Variants in RPS6KC1 observed in about 807,000 individuals in gnomAD.
The protein encoded by RPS6KC1 is inactive ribosomal protein S6 kinase delta-1.
Under a neutral mutation model 103.8 loss-of-function variants are expected in RPS6KC1, and 54 were observed. The ratio of observed to expected loss-of-function variants is 0.52; its 90% confidence interval spans 0.42 to 0.65. The LOEUF is 0.65. Among genes scored for constraint, RPS6KC1 ranks in the 30% least tolerant of loss-of-function variants. The pLI, the probability that RPS6KC1 is intolerant of heterozygous loss-of-function variation, is 0.00. For synonymous variants in RPS6KC1, 439 were observed against 438.7 expected (o/e 1.00, Z -0.01); for missense variants, 1,151 against 1,253.8 (o/e 0.92, Z 1.24).
At chr1:213,600,698 C>T in the RPS6KC1 span, among the ~76,000 whole-genome samples, 1 of 152,172 alleles carries the variant, frequency 6.6e-6, no homozygotes, top group African/African-American at 2.4e-5. Flanking sequence ...TCCACTTCTC[C>T]CCACTAGCAA....
the RPS6KC1 span, among the ~76,000 whole-genome samples, chr1:213,503,698 T>A: frequency 4.6e-5 from 7 of 152,090 alleles, no homozygotes; most frequent in Non-Finnish European, 8.8e-5. Flanking sequence ...AAAACAAGAA[T>A]CTTCATGCAA....
In RPS6KC1 at chr1:213,197,849, T is replaced by A. The variant is rs560319536; in HGVS notation, c.1044+21357T>A. ...CCTTAAATTTATGTGCGTCCGTATG[T>A]GTTAGGTGAGTCTCTTGAAGACAAC... On this transcript the variant is annotated intron_variant, in intron 8 of 14. Coordinates refer to ENST00000366960, the MANE Select transcript of RPS6KC1 (RefSeq NM_012424.6). Among the ~76,000 whole-genome samples the A allele has an allele frequency of 2.9e-4, 44 of 152,280 alleles. No individual in the cohort carries two copies. In the South Asian group the frequency reaches 6.0e-3, roughly 21 times the overall value.
the RPS6KC1 span, among the ~76,000 whole-genome samples, chr1:213,588,219 G>C: frequency 6.6e-6 from 1 of 151,886 alleles, no homozygotes; most frequent in Non-Finnish European, 1.5e-5. Context: ...TGGGACTACA[G>C]GCCTCTTTTA....
At chr1:213,491,219 A>T in the RPS6KC1 span, among the ~76,000 whole-genome samples, 2 of 152,268 alleles carry the variant, frequency 1.3e-5, no homozygotes, top group East Asian at 3.9e-4. Context: ...TAAGTAAGTT[A>T]TTAGGCTGGT....
chr1:213,744,971 C>T, the RPS6KC1 span, among the ~76,000 whole-genome samples: 2 of 152,364 alleles, frequency 1.3e-5, no homozygotes, highest in East Asian at 3.9e-4. Flanking sequence ...CAAGGTGCCT[C>T]TCACCACAGG....
chr1:213,400,513 C>T, the RPS6KC1 span, among the ~76,000 whole-genome samples: 1 of 152,062 alleles, frequency 6.6e-6, no homozygotes, highest in Admixed American at 6.5e-5. Flanking sequence ...TAGTTCTCTT[C>T]CCTGCCAGAC....
chr1:213,297,983 C>A, the RPS6KC1 span, among the ~76,000 whole-genome samples: 31 of 152,178 alleles, frequency 2.0e-4, no homozygotes, highest in African/African-American at 7.5e-4. Flanking sequence ...GAAACTGCTT[C>A]TTTCTTAGGC....
chr1:213,663,903 C>G, the RPS6KC1 span, among the ~76,000 whole-genome samples: 1 of 152,200 alleles, frequency 6.6e-6, no homozygotes, highest in Non-Finnish European at 1.5e-5. Flanking sequence ...CAGGCAATCC[C>G]CAGGACCCAA....
the RPS6KC1 span, among the ~76,000 whole-genome samples, chr1:213,590,769 GGGT>G: frequency 0.11 from 16,602 of 152,064 alleles, 1,510 homozygotes; most frequent in African/African-American, 0.25. Flanking sequence ...TCCGGCAGCC[GGGT>G]GGTGGTGGCG....
intron 8 of RPS6KC1, chr1:213,205,443 T>A: frequency 1.1e-6 from 1 of 920,312 alleles, no homozygotes; most frequent in Non-Finnish European, 1.3e-6. Context: ...GAAGTAGCCC[T>A]CTTAATCAAA....
At chr1:213,736,172 A>T in the RPS6KC1 span, among the ~76,000 whole-genome samples, 1 of 152,170 alleles carries the variant, frequency 6.6e-6, no homozygotes, top group Admixed American at 6.5e-5. Context: ...CCACACACTT[A>T]ATACCTTGAA....
the RPS6KC1 span, among the ~76,000 whole-genome samples, chr1:213,373,772 C>T: frequency 6.6e-6 from 1 of 152,196 alleles, no homozygotes; most frequent in Admixed American, 6.5e-5. Flanking sequence ...TGCACCTTCC[C>T]ATAATATCAT....
Position 213,241,721 on chromosome 1 carries a change from A to G in RPS6KC1, c.2245A>G (p.Ile749Val), listed in dbSNP as rs2094357841. The G allele has an allele frequency of 4.3e-6, 7 of 1,613,862 alleles. No homozygotes were observed. Among genetic ancestry groups the G allele is most frequent in the East Asian group, 2.2e-5 (1 of 44,880 alleles). ...EQCQAHEEKG[I>V]EELSDPSGPK... ...ATGCCAAGCACATGAGGAGAAAGGCATAGAGGAACTGAGTGATCCCTCTGG... is the reference window on the plus strand; with the variant it reads ...ATGCCAAGCACATGAGGAGAAAGGCGTAGAGGAACTGAGTGATCCCTCTGG... The change falls in exon 11 of 15, where the codon ATA becomes GTA. Residue 749 changes from isoleucine (I) to valine (V), a missense_variant. Ile to Val is a conservative substitution (Grantham distance 29, BLOSUM62 3). This residue lies in a region of RPS6KC1 where 959 missense variants were observed against 1,006.3 expected (regional missense o/e 0.95). Coordinates refer to ENST00000366960, the MANE Select transcript of RPS6KC1 (RefSeq NM_012424.6).
chr1:213,428,075 G>T, the RPS6KC1 span, among the ~76,000 whole-genome samples: 1 of 152,178 alleles, frequency 6.6e-6, no homozygotes, highest in African/African-American at 2.4e-5. Flanking sequence ...TGGCCTTGAG[G>T]TCAAGGTGAG....
At chr1:213,283,551 T>A in the RPS6KC1 span, among the ~76,000 whole-genome samples, 1 of 152,128 alleles carries the variant, frequency 6.6e-6, no homozygotes, top group African/African-American at 2.4e-5. Context: ...ACTGGGAAGC[T>A]CAGTGGCCCA....
chr1:213,293,132 G>A, the RPS6KC1 span, among the ~76,000 whole-genome samples: 1 of 152,130 alleles, frequency 6.6e-6, no homozygotes, highest in African/African-American at 2.4e-5. Context: ...GAGCAGAAGT[G>A]GGCATAGCCT....
intron 1 of RPS6KC1, 143 bp from the exon 2 acceptor site, chr1:213,070,863 C>G (rs930249589): frequency 6.4e-5 from 35 of 543,632 alleles, no homozygotes; most frequent in Middle Eastern, 5.0e-4. Context: ...TATTATATAG[C>G]TGAGTTTTGG....
At chr1:213,314,145 C>T in the RPS6KC1 span, among the ~76,000 whole-genome samples, 1 of 152,070 alleles carries the variant, frequency 6.6e-6, no homozygotes, top group Non-Finnish European at 1.5e-5. Flanking sequence ...ACACTCCCAC[C>T]TCTGCCTCTG....
the RPS6KC1 span, among the ~76,000 whole-genome samples, chr1:213,600,859 G>A: frequency 6.6e-6 from 1 of 152,238 alleles, no homozygotes; most frequent in Non-Finnish European, 1.5e-5. Context: ...TTTGTTATGT[G>A]AATGAACAAA....
Sources: gnomAD v4.1 joint callset for allele counts (sites outside exome capture counted in the v4.1 genomes callset) on GRCh38, gnomAD v4.1.1 for gene constraint, gnomAD v4.1.1 regional missense constraint, MANE v1.5 for transcripts, NCBI Gene and HGNC (gene_info 2026-07-23, HGNC 2026-07-21) for gene names.